ERO1A: variants seen among roughly 807,000 people sequenced by gnomAD.
The protein encoded by ERO1A is ERO1-like protein alpha.
In ERO1A, 49 loss-of-function variants were observed where a neutral mutation model predicts 76.9. The ratio of observed to expected loss-of-function variants is 0.64; its 90% CI spans 0.51 to 0.81. ERO1A has a LOEUF of 0.81. Among genes scored for constraint, ERO1A ranks in the 30% least tolerant of loss-of-function variants. The pLI, the probability that ERO1A is intolerant of heterozygous loss-of-function variation, is 0.00. For missense variants in ERO1A, 448 were observed against 542.1 expected (o/e 0.83, Z 1.72); for synonymous variants, 174 against 181.2 (o/e 0.96, Z 0.32).
intron 4 of ERO1A, among the ~76,000 whole-genome samples, chr14:52,676,396 T>C (rs2040785059): frequency 6.6e-6 from 1 of 152,168 alleles, no homozygotes; most frequent in South Asian, 2.1e-4. Flanking sequence ...TCCCATTAAC[T>C]AGTCAAAAGG....
At chr14:52,647,160 T>A (rs1188912133) in intron 13 of ERO1A, 1 of 80,256 alleles carries the variant, frequency 1.2e-5, no homozygotes, top group Non-Finnish European at 2.3e-5. Flanking sequence ...TTTTTTTTTT[T>A]TTTTTTTTTT....
At chr14:52,675,047 A>G (rs2040733225) in intron 4 of ERO1A, among the ~76,000 whole-genome samples, 1 of 152,206 alleles carries the variant, frequency 6.6e-6, no homozygotes, top group Admixed American at 6.5e-5. Context: ...GGCTACAAGG[A>G]TGGACAGATG....
intron 6 of ERO1A, among the ~76,000 whole-genome samples, chr14:52,666,748 T>C (rs893277471): frequency 6.6e-6 from 1 of 152,154 alleles, no homozygotes; most frequent in African/African-American, 2.4e-5. Context: ...CTGGCCAACA[T>C]AGTGAAACCC....
At chr14:52,674,561 T>C (rs2040718523) in intron 4 of ERO1A, among the ~76,000 whole-genome samples, 1 of 152,222 alleles carries the variant, frequency 6.6e-6, no homozygotes, top group African/African-American at 2.4e-5. Context: ...ATGACACCAT[T>C]TAACTATGTG....
chr14:52,653,257 A>G lies in ERO1A; in HGVS notation c.867T>C (p.Asp289=). ...GACCTTCTCCTTCAGTCAAAATTCC[A>G]TCAAATCGCTGTTGAAATTCTGTAA... ...HNITEFQQRF[D]GILTEGEGPR... Residue 289 remains aspartate (D), a synonymous_variant, in exon 12 of 16, where the codon GAT becomes GAC. Transcript: ENST00000395686. 6.2e-7 allele frequency: 1 copy of G among 1,612,630 alleles called. No homozygotes were observed. Among genetic ancestry groups the G allele is most frequent in the Non-Finnish European group, 8.5e-7 (1 of 1,179,064 alleles).
At position 52,672,819 on chromosome 14, in the gene ERO1A, T is replaced by C. The variant is rs935204816; in HGVS notation, c.358-948A>G. 2.3e-4 allele frequency among the ~76,000 whole-genome samples: 35 copies of C among 150,178 alleles called. 1 individual carries two copies. Among genetic ancestry groups the C allele is most frequent in the Admixed American group, 6.6e-5 (1 of 15,062 alleles). ...CAAAAAACAAACAAACAAAAAAAAT[T>C]TGGTCAAACTTAGATACTATGAAAT... On this transcript the variant is annotated intron_variant, in intron 4 of 15. Transcript: ENST00000395686.
Position 52,678,577 on chromosome 14 carries a change from G to A in ERO1A, c.319-105C>T, listed in dbSNP as rs554686962. ...AGAAAAATTCATATAACAAATTATC[G>A]AAGTTGGATTTTTTAACAGAATAGG... On this transcript the variant is annotated intron_variant, in intron 3 of 15. Transcript: ENST00000395686. 1.9e-5 allele frequency: 19 copies of A among 1,016,456 alleles called. No individual in the cohort carries two copies. In the East Asian group the frequency reaches 2.1e-4, roughly 11 times the overall value. 63.0% of individuals were successfully genotyped at this position (1,016,456 alleles called of 1,614,324 possible).
chr14:52,645,847 TACACAC>T (rs113770296), intron 15 of ERO1A, among the ~76,000 whole-genome samples: 113,179 of 145,032 alleles, frequency 0.78, 44,923 homozygotes, highest in East Asian at 0.94. Context: ...CTACTAAAAA[TACACAC>T]ACACACACAC....
rs1389614878 is a variant in ERO1A at position 52,695,417 on chromosome 14, T to C, written c.65A>G (p.His22Arg). 1 of 1,550,404 alleles carries C rather than the reference T, an allele frequency of 6.4e-7. No homozygotes were observed. Among genetic ancestry groups the C allele is most frequent in the South Asian group, 1.2e-5 (1 of 83,688 alleles). ...LGAVWLLSSG[H>R]GEEQPPETAA... is the part of the protein sequence containing the mutation. ...TGTCTCCGGGGGCTGCTCCTCTCCGTGGCCCGAGCTGAGCAGCCACACGGC... is the reference window on the plus strand; with the variant it reads ...TGTCTCCGGGGGCTGCTCCTCTCCGCGGCCCGAGCTGAGCAGCCACACGGC... Residue 22 changes from histidine to arginine, a missense_variant, in exon 1 of 16, where the codon CAC becomes CGC. By Grantham distance (29) the His-to-Arg change is conservative. Transcript: ENST00000395686.
chr14:52,684,808 T>C (rs200010180), intron 1 of ERO1A, among the ~76,000 whole-genome samples: 331 of 18,478 alleles, frequency 0.018, 1 homozygote, highest in African/African-American at 0.069. Flanking sequence ...TCTTTTTTTT[T>C]CTTTTTTCAC....
At position 52,682,324 on chromosome 14, in the gene ERO1A, C is replaced by T; in HGVS notation, c.318+1G>A. 1 of 1,597,448 alleles carries T rather than the reference C, an allele frequency of 6.3e-7. No individual in the cohort carries two copies. The highest frequency in any genetic ancestry group is 8.6e-7 in the Non-Finnish European group (1 of 1,168,504). ...TTTTTAAATGTATACATGGTTCTTA[C>T]AGATTGACATGGTTTGACAGCACAG... On this transcript the variant is annotated splice_donor_variant, in intron 3 of 15. Transcript: ENST00000395686. LOFTEE classifies it high-confidence loss of function.
At chr14:52,693,900 G>C (rs1217700625) in intron 1 of ERO1A, among the ~76,000 whole-genome samples, 3 of 152,166 alleles carry the variant, frequency 2.0e-5, no homozygotes, top group Non-Finnish European at 2.9e-5. Flanking sequence ...TGTTAGGGAA[G>C]TATTTGAATA....
chr14:52,693,582 T>C (rs980916663), intron 1 of ERO1A, among the ~76,000 whole-genome samples: 1 of 152,172 alleles, frequency 6.6e-6, no homozygotes, highest in African/African-American at 2.4e-5. Flanking sequence ...CTCGAACTCC[T>C]GGGCTCACTC....
chr14:52,644,140 TA>T (rs1408887274), intron 15 of ERO1A, among the ~76,000 whole-genome samples: 1 of 151,982 alleles, frequency 6.6e-6, no homozygotes, highest in Non-Finnish European at 1.5e-5. Context: ...ATCCTATCTC[TA>T]AAAAATCAAA....
chr14:52,667,918 A>G (rs1394476887), intron 6 of ERO1A, among the ~76,000 whole-genome samples: 1 of 151,936 alleles, frequency 6.6e-6, no homozygotes, highest in African/African-American at 2.4e-5. Context: ...GCTCTCAACT[A>G]TACCTATTTT....
At chr14:52,680,306 G>C (rs1361759384) in intron 3 of ERO1A, among the ~76,000 whole-genome samples, 1 of 151,912 alleles carries the variant, frequency 6.6e-6, no homozygotes, top group Non-Finnish European at 1.5e-5. Context: ...TTTTCTCTTG[G>C]ATTTACAATG....
At chr14:52,664,439 T>C (rs1048537292) in intron 7 of ERO1A, among the ~76,000 whole-genome samples, 1 of 152,152 alleles carries the variant, frequency 6.6e-6, no homozygotes, top group Admixed American at 6.6e-5. Context: ...AAATACGCGT[T>C]AGTATTAATA....
chr14:52,695,252 C>G (rs1484947059), intron 1 of ERO1A, 116 bp downstream of exon 1: 8 of 662,440 alleles, frequency 1.2e-5, no homozygotes, highest in Non-Finnish European at 1.7e-5. Flanking sequence ...GAGTCTCATT[C>G]CCGGTGGGAA....
rs574886515 is a variant in ERO1A at position 52,661,458 on chromosome 14, C to T, written c.677-154G>A. Among the ~76,000 whole-genome samples, 14 of 152,296 alleles carry T rather than the reference C, an allele frequency of 9.2e-5. No individual in the cohort carries two copies. In the South Asian group the frequency reaches 2.9e-3, roughly 32 times the overall value. Reference sequence around the variant, plus strand: ...AAATCTGAAAGTGAGACATTCGTGACTGCAACTCTATCTGGTAGTGATATG... The same window carrying T: ...AAATCTGAAAGTGAGACATTCGTGATTGCAACTCTATCTGGTAGTGATATG... On this transcript the variant is annotated intron_variant, in intron 8 of 15. Transcript: ENST00000395686.
Sources: allele counts gnomAD v4.1 joint callset (sites outside exome capture counted in the v4.1 genomes callset), GRCh38; gene constraint gnomAD v4.1.1; transcripts MANE v1.5; gene names NCBI Gene and HGNC (gene_info 2026-07-23, HGNC 2026-07-21).